Variants in OSBPL10 observed in about 807,000 individuals in gnomAD.
The protein encoded by OSBPL10 is oxysterol-binding protein-related protein 10.
OSBPL10 carries 49 observed loss-of-function variants against 81.7 expected under a neutral mutation model. The ratio of observed to expected loss-of-function variants is 0.60; its 90% CI spans 0.48 to 0.76. OSBPL10 has a LOEUF of 0.76. OSBPL10 is among the 30% of genes least tolerant of loss of function. OSBPL10 has a pLI of 0.00. For synonymous variants in OSBPL10, 419 were observed against 383.6 expected, an observed-to-expected ratio of 1.09 and a Z score of -1.08; for missense variants, 923 against 987.8, an observed-to-expected ratio of 0.93 and a Z score of 0.88.
intron 1 of OSBPL10, among the ~76,000 whole-genome samples, chr3:31,901,901 G>A (rs1270231773): frequency 6.6e-6 from 1 of 152,076 alleles, no homozygotes; most frequent in Non-Finnish European, 1.5e-5. Flanking sequence ...ATGGTGCCGC[G>A]CACCTGTGGT....
In OSBPL10 at chr3:31,877,257, G is replaced by A. The variant is rs189357058; in HGVS notation, c.458-745C>T. ...CTATCTACCAGGGCTGTATTGTGGTGTTATTAACATTTACAAAATAAGCAT... is the reference window on the plus strand; with the variant it reads ...CTATCTACCAGGGCTGTATTGTGGTATTATTAACATTTACAAAATAAGCAT... On this transcript the variant is annotated intron_variant, in intron 2 of 11. Coordinates refer to ENST00000396556, the MANE Select transcript of OSBPL10 (RefSeq NM_017784.5). Among the ~76,000 whole-genome samples the A allele has an allele frequency of 1.3e-3, 191 of 152,184 alleles. 1 individual carries two copies. The highest frequency in any genetic ancestry group is 1.9e-3 in the Non-Finnish European group (127 of 68,024).
At chr3:31,681,321 C>T (rs1444086397) in intron 8 of OSBPL10, among the ~76,000 whole-genome samples, 3 of 152,162 alleles carry the variant, frequency 2.0e-5, no homozygotes, top group Admixed American at 6.5e-5. Flanking sequence ...CTTACCTATG[C>T]AAGAGGGGGA....
chr3:31,725,396 C>T (rs1005630412), intron 6 of OSBPL10, among the ~76,000 whole-genome samples: 1 of 152,296 alleles, frequency 6.6e-6, no homozygotes, highest in African/African-American at 2.4e-5. Flanking sequence ...ACTTTCCCCC[C>T]AGACCAACAA....
Position 31,761,827 on chromosome 3 carries a change from A to AAAAAAAAAAAAC in OSBPL10, c.730-13708_730-13707insGTTTTTTTTTTT, listed in dbSNP as rs996116489. On this transcript the variant is annotated intron_variant, in intron 4 of 11. Coordinates refer to ENST00000396556, the MANE Select transcript of OSBPL10 (RefSeq NM_017784.5). ...AAGACTGTCTCTAAAAAAAAAAAAA[A>AAAAAAAAAAAAC]AAAACCCTAAAGGGAGTCAGAGAGT... 4.8e-4 allele frequency among the ~76,000 whole-genome samples: 72 copies of AAAAAAAAAAAAC among 149,540 alleles called. 4 individuals are homozygous for AAAAAAAAAAAAC. The highest frequency in any genetic ancestry group is 1.6e-3 in the African/African-American group (63 of 39,038).
chr3:31,988,224 T>A (rs1698964078), intron 2 of OSBPL10, among the ~76,000 whole-genome samples: 1 of 152,202 alleles, frequency 6.6e-6, no homozygotes, highest in Non-Finnish European at 1.5e-5. Flanking sequence ...CCAGTCTCTT[T>A]AGTTTCACAG....
intron 4 of OSBPL10, among the ~76,000 whole-genome samples, chr3:31,805,087 C>CA (rs1208398077): frequency 1.3e-5 from 2 of 152,136 alleles, no homozygotes; most frequent in African/African-American, 4.8e-5. Flanking sequence ...TGCTGAGCTT[C>CA]AAGACTTTGT....
At chr3:32,024,564 C>T (rs1699386916) in intron 2 of OSBPL10, among the ~76,000 whole-genome samples, 1 of 142,464 alleles carries the variant, frequency 7.0e-6, no homozygotes, top group African/African-American at 2.6e-5. Flanking sequence ...GATCTCGGCT[C>T]ACTGCAACCT....
At chr3:31,780,485 A>T (rs1223480183) in intron 4 of OSBPL10, among the ~76,000 whole-genome samples, 1 of 151,548 alleles carries the variant, frequency 6.6e-6, no homozygotes, top group Non-Finnish European at 1.5e-5. Context: ...GAACTAAATG[A>T]AATTGAAAAA....
chr3:31,671,936 C>T (rs942309170), intron 8 of OSBPL10, among the ~76,000 whole-genome samples: 2 of 152,180 alleles, frequency 1.3e-5, no homozygotes, highest in African/African-American at 4.8e-5. Flanking sequence ...ACCTCTCAGT[C>T]TCCCATCCAA....
chr3:31,769,785 A>G (rs1233652785), intron 4 of OSBPL10, among the ~76,000 whole-genome samples: 1 of 152,050 alleles, frequency 6.6e-6, no homozygotes, highest in Non-Finnish European at 1.5e-5. Flanking sequence ...ATTTGTCTAC[A>G]TAAGAAAACC....
At chr3:31,737,739 C>A (rs1450474043) in intron 5 of OSBPL10, among the ~76,000 whole-genome samples, 1 of 152,102 alleles carries the variant, frequency 6.6e-6, no homozygotes, top group Admixed American at 6.5e-5. Context: ...TTCCTGTAAT[C>A]CCAGCACTTT....
At chr3:32,024,805 G>C (rs1332662151) in intron 2 of OSBPL10, among the ~76,000 whole-genome samples, 1 of 152,106 alleles carries the variant, frequency 6.6e-6, no homozygotes, top group African/African-American at 2.4e-5. Flanking sequence ...TCTTTGAATA[G>C]TTTGTTGCTA....
intron 3 of OSBPL10, among the ~76,000 whole-genome samples, chr3:31,833,786 C>T (rs1700308018): frequency 6.6e-6 from 1 of 151,698 alleles, no homozygotes; most frequent in Non-Finnish European, 1.5e-5. Flanking sequence ...CTTCAGAAAT[C>T]AGTGAGGAAG....
chr3:31,827,993 A>G (rs1423904909), intron 4 of OSBPL10, among the ~76,000 whole-genome samples: 1 of 152,156 alleles, frequency 6.6e-6, no homozygotes, highest in African/African-American at 2.4e-5. Context: ...CTCACTACAC[A>G]CAAGTCCTAC....
intron 3 of OSBPL10, among the ~76,000 whole-genome samples, chr3:31,844,860 G>A (rs1337073839): frequency 6.6e-6 from 1 of 152,154 alleles, no homozygotes; most frequent in Non-Finnish European, 1.5e-5. Flanking sequence ...GATCACTAGT[G>A]GCTATGAGTT....
chr3:31,925,498 G>C (rs1285443732), intron 1 of OSBPL10, among the ~76,000 whole-genome samples: 9 of 138,662 alleles, frequency 6.5e-5, no homozygotes, highest in Admixed American at 7.2e-5. Context: ...TTTTTTTTTT[G>C]AGTGAAAGGA....
At chr3:31,967,494 A>T (rs1698433661) in intron 1 of OSBPL10, among the ~76,000 whole-genome samples, 1 of 152,052 alleles carries the variant, frequency 6.6e-6, no homozygotes, top group African/African-American at 2.4e-5. Flanking sequence ...AAATGAAAAA[A>T]AAAAGTTGCT....
intron 4 of OSBPL10, among the ~76,000 whole-genome samples, chr3:31,802,571 AG>A (rs546078366): frequency 2.1e-5 from 3 of 144,528 alleles, no homozygotes; most frequent in Non-Finnish European, 3.0e-5. Flanking sequence ...AAAAAAAAAA[AG>A]AGAATTCTCT....
chr3:31,834,490 G>C (rs1434088267), intron 3 of OSBPL10, among the ~76,000 whole-genome samples: 2 of 152,142 alleles, frequency 1.3e-5, no homozygotes, highest in East Asian at 3.8e-4. Context: ...GTGAGACCAA[G>C]TGCTGATGCT....
Sources: allele counts gnomAD v4.1 joint callset (sites outside exome capture counted in the v4.1 genomes callset), GRCh38; gene constraint gnomAD v4.1.1; transcripts MANE v1.5; gene names NCBI Gene and HGNC (gene_info 2026-07-23, HGNC 2026-07-21).